EXOSC6: variants seen among roughly 807,000 people sequenced by gnomAD.
EXOSC6 encodes the protein exosome complex component MTR3.
EXOSC6 carries 21 observed loss-of-function variants against 16.7 expected under a neutral mutation model. That is an observed-to-expected ratio of 1.26 (90% CI 0.89 to 1.82). The LOEUF (loss-of-function observed/expected upper bound fraction) is 1.82. EXOSC6 is among the 40% of genes most tolerant of loss of function. The pLI is 0.00. For synonymous variants in EXOSC6, 297 were observed against 217.1 expected (o/e 1.37, Z -3.24); for missense variants, 538 against 415.7 (o/e 1.29, Z -2.56).
Position 70,251,884 on chromosome 16 carries a change from C to G in EXOSC6, c.17G>C (p.Arg6Pro). Residue 6 changes from arginine (R) to proline (P), a missense_variant, in exon 1 of 1, where the codon CGC becomes CCC. Coordinates refer to ENST00000435634, the MANE Select transcript of EXOSC6 (RefSeq NM_058219.3). ...CGATTCTTCAGGGCCGCGGATGCGGCGGTGATCCCCAGGCATGGCGGTTCT... is the reference window on the plus strand; with the variant it reads ...CGATTCTTCAGGGCCGCGGATGCGGGGGTGATCCCCAGGCATGGCGGTTCT... Reference protein sequence around the residue: MPGDHRRIRGPEESQP... With the variant: MPGDHPRIRGPEESQP... The G allele has an allele frequency of 1.3e-6, 2 of 1,544,150 alleles. No homozygotes were observed. Among genetic ancestry groups the G allele is most frequent in the Non-Finnish European group, 1.7e-6 (2 of 1,155,558 alleles).
At position 70,251,244 on chromosome 16, in the gene EXOSC6, C is replaced by G. The variant is rs978406322; in HGVS notation, c.657G>C (p.Leu219=). 32 of 1,498,154 alleles carry G rather than the reference C, an allele frequency of 2.1e-5. No homozygotes were observed. The highest frequency in any genetic ancestry group is 2.8e-5 in the East Asian group (1 of 36,224). 92.8% of individuals were successfully genotyped at this position (1,498,154 alleles called of 1,614,324 possible). ...AGLTVALMPV[L]NQVAGLLGSG... The stretch of plus-strand genomic sequence containing the variant: ...TGCCCAGCAGCCCGGCCACCTGATT[C>G]AGCACAGGCATGAGCGCCACGGTGA... The change falls in exon 1 of 1, where the codon CTG becomes CTC. Residue 219 remains leucine, a synonymous_variant. Transcript: ENST00000435634.
chr16:70,250,685 AAAAG>A lies in EXOSC6; in HGVS notation c.*393_*396del, dbSNP rs1323656472. On this transcript the variant is annotated 3_prime_UTR_variant, in exon 1 of 1. Transcript: ENST00000435634. Reference sequence around the variant, plus strand: ...CTCCATCAAAAAAAAAAAAAAAAAAAAAAGAAAGAAAGAAGAAAAGAAAATTAGC... The same window carrying A: ...CTCCATCAAAAAAAAAAAAAAAAAAAAAAGAAAGAAGAAAAGAAAATTAGC... 8.3e-4 allele frequency: 119 copies of A among 143,856 alleles called. 1 individual carries two copies. Among genetic ancestry groups the A allele is most frequent in the African/African-American group, 3.8e-3 (96 of 25,572 alleles). 8.9% of individuals were successfully genotyped at this position (143,856 alleles called of 1,614,324 possible). A position where few individuals can be genotyped will look rare whatever the true frequency, so the allele number is the denominator to read the frequency against.
At position 70,251,595 on chromosome 16, in the gene EXOSC6, G is replaced by A; in HGVS notation, c.306C>T (p.Arg102=). Residue 102 remains arginine, a synonymous_variant, in exon 1 of 1, where the codon CGC becomes CGT. Coordinates refer to ENST00000435634, the MANE Select transcript of EXOSC6 (RefSeq NM_058219.3). Reference sequence around the variant, plus strand: ...GGCGCCGGCGGCCCGCGAAGGGTGCGCGGCGGAAGTCGCAGAGCAGGCGAC... The same window carrying A: ...GGCGCCGGCGGCCCGCGAAGGGTGCACGGCGGAAGTCGCAGAGCAGGCGAC... ...LRGRLLCDFR[R]APFAGRRRRA... 1 of 1,079,310 alleles carries A rather than the reference G, an allele frequency of 9.3e-7. No individual in the cohort carries two copies. The highest frequency in any genetic ancestry group is 1.1e-6 in the Non-Finnish European group (1 of 893,536). The allele number at this position is 1,079,310 out of a possible 1,614,324, so 66.9% of individuals were successfully genotyped here.
In EXOSC6 at chr16:70,248,093, G is replaced by A. The variant is rs1412966975; in HGVS notation, c.*2989C>T. 6.6e-6 allele frequency: 1 copy of A among 151,898 alleles called. No individual in the cohort carries two copies. The highest frequency in any genetic ancestry group is 1.9e-4 in the East Asian group (1 of 5,190). The allele number at this position is 151,898 out of a possible 1,614,324, so 9.4% of individuals were successfully genotyped here. A position where few individuals can be genotyped will look rare whatever the true frequency, so the allele number is the denominator to read the frequency against. ...AAAAGAAAACCATTATTTTGCAATA[G>A]CCAATGTTATAATCTACACAGGCAC... On this transcript the variant is annotated 3_prime_UTR_variant, in exon 1 of 1. Coordinates refer to ENST00000435634, the MANE Select transcript of EXOSC6 (RefSeq NM_058219.3).
At position 70,246,872 on chromosome 16, in the gene EXOSC6, T is replaced by C. The variant is rs1012261979; in HGVS notation, c.*4210A>G. The C allele has an allele frequency of 3.5e-6, 2 of 569,230 alleles. No individual in the cohort carries two copies. The highest frequency in any genetic ancestry group is 6.3e-6 in the Non-Finnish European group (2 of 315,556). 35.3% of individuals were successfully genotyped at this position (569,230 alleles called of 1,614,324 possible). ...CAGCATTTAACCCTGGAACCTCAAA[T>C]ATCACTGATTATACTCAAAGGAGCA... On this transcript the variant is annotated 3_prime_UTR_variant, in exon 1 of 1. Coordinates refer to ENST00000435634, the MANE Select transcript of EXOSC6 (RefSeq NM_058219.3).
In EXOSC6 at chr16:70,251,710, C is replaced by T; in HGVS notation, c.191G>A (p.Cys64Tyr). Reference protein sequence around the residue: ...YLEAGGTKVLCAVSGPRQAEG... With the variant: ...YLEAGGTKVLYAVSGPRQAEG... ...GGCCTGTCGCGGGCCCGACACGGCA[C>T]ACAGCACCTTGGTGCCTCCCGCCTC... Residue 64 changes from cysteine (C) to tyrosine (Y), a missense_variant, in exon 1 of 1, where the codon TGT becomes TAT. Cys to Tyr is a radical substitution (Grantham distance 194). Transcript: ENST00000435634. 1 of 1,376,882 alleles carries T rather than the reference C, an allele frequency of 7.3e-7. No individual in the cohort carries two copies. Among genetic ancestry groups the T allele is most frequent in the Non-Finnish European group, 9.3e-7 (1 of 1,075,224 alleles). The allele number at this position is 1,376,882 out of a possible 1,614,324, so 85.3% of individuals were successfully genotyped here.
Position 70,246,921 on chromosome 16 carries a change from C to T in EXOSC6, c.*4161G>A, listed in dbSNP as rs1469826918. ...CAGAGGCATTGTTTTCCATCTGATT[C>T]CTCAGTTCCTCACACACACAACCAT... is the stretch of plus-strand genomic sequence containing the variant. On this transcript the variant is annotated 3_prime_UTR_variant, in exon 1 of 1. Transcript: ENST00000435634. The T allele has an allele frequency of 3.6e-5, 20 of 561,956 alleles. No individual in the cohort carries two copies. The highest frequency in any genetic ancestry group is 5.7e-4 in the Middle Eastern group (1 of 1,758). 34.8% of individuals were successfully genotyped at this position (561,956 alleles called of 1,614,324 possible).
rs767370911 is a variant in EXOSC6, at chr16:70,250,043, T to C, written c.*1039A>G. On this transcript the variant is annotated 3_prime_UTR_variant, in exon 1 of 1. Coordinates refer to ENST00000435634, the MANE Select transcript of EXOSC6 (RefSeq NM_058219.3). ...GCCTAGGAATTCTAGATGAATGGAA[T>C]GAATACAACTTGCTGGAAGTTCTTA... The C allele has an allele frequency of 6.6e-6, 1 of 152,144 alleles. No homozygotes were observed. Among genetic ancestry groups the C allele is most frequent in the Non-Finnish European group, 1.5e-5 (1 of 68,024 alleles). The allele number at this position is 152,144 out of a possible 1,614,324, so 9.4% of individuals were successfully genotyped here.
Position 70,251,460 on chromosome 16 carries a change from C to T in EXOSC6, c.441G>A (p.Ser147=). ...AGCCACCGTCCTCCAGCAGCAGCGC[C>T]GACACCTCGAGCTGCGCGCGCGGGT... The part of the protein sequence containing the change: ...GRYPRAQLEV[S]ALLLEDGGSA... The change falls in exon 1 of 1, where the codon TCG becomes TCA. Residue 147 remains serine (S), a synonymous_variant. Transcript: ENST00000435634. The T allele has an allele frequency of 7.5e-7, 1 of 1,340,270 alleles. No individual in the cohort carries two copies. Among genetic ancestry groups the T allele is most frequent in the Non-Finnish European group, 9.6e-7 (1 of 1,046,044 alleles). The allele number at this position is 1,340,270 out of a possible 1,614,324, so 83.0% of individuals were successfully genotyped here.
rs1959737778 is a variant in EXOSC6, at chr16:70,248,536, T to C, written c.*2546A>G. ...CCCAAGCTGGTGGCATTCTGTTCAG[T>C]TACAGGTAATTTTCTGAATCTTCCC... On this transcript the variant is annotated 3_prime_UTR_variant, in exon 1 of 1. Transcript: ENST00000435634. 1 of 152,182 alleles carries C rather than the reference T, an allele frequency of 6.6e-6. No homozygotes were observed. Among genetic ancestry groups the C allele is most frequent in the South Asian group, 2.1e-4 (1 of 4,832 alleles). The allele number at this position is 152,182 out of a possible 1,614,324, so 9.4% of individuals were successfully genotyped here.
At position 70,249,063 on chromosome 16, in the gene EXOSC6, T is replaced by C. The variant is rs1411528173; in HGVS notation, c.*2019A>G. ...ATATCAGATATTCCAGACACAACAA[T>C]ACCATAATTTAATCACTTAAAATCT... is the stretch of plus-strand genomic sequence containing the variant. On this transcript the variant is annotated 3_prime_UTR_variant, in exon 1 of 1. Coordinates refer to ENST00000435634, the MANE Select transcript of EXOSC6 (RefSeq NM_058219.3). 1 of 112,354 alleles carries C rather than the reference T, an allele frequency of 8.9e-6. No individual in the cohort carries two copies. The highest frequency in any genetic ancestry group is 1.8e-5 in the Non-Finnish European group (1 of 55,266). 7.0% of individuals were successfully genotyped at this position (112,354 alleles called of 1,614,324 possible).
Position 70,247,119 on chromosome 16 carries a change from A to G in EXOSC6, c.*3963T>C, listed in dbSNP as rs1959710713. ...AAAAAAAAATTGACTTGTAAATCCCAACTACTCGGGAGGCTGAGACACAAG... is the reference window on the plus strand; with the variant it reads ...AAAAAAAAATTGACTTGTAAATCCCGACTACTCGGGAGGCTGAGACACAAG... On this transcript the variant is annotated 3_prime_UTR_variant, in exon 1 of 1. Transcript: ENST00000435634. 2 of 326,944 alleles carry G rather than the reference A, an allele frequency of 6.1e-6. No homozygotes were observed. Among genetic ancestry groups the G allele is most frequent in the Non-Finnish European group, 5.8e-6 (1 of 172,380 alleles). 20.3% of individuals were successfully genotyped at this position (326,944 alleles called of 1,614,324 possible).
At position 70,249,029 on chromosome 16, in the gene EXOSC6, A is replaced by C. The variant is rs1300591770; in HGVS notation, c.*2053T>G. On this transcript the variant is annotated 3_prime_UTR_variant, in exon 1 of 1. Transcript: ENST00000435634. ...TCAAAAACTGTAAAAAAAAAAAAAAAAAACCCTAATATCAGATATTCCAGA... is the reference window on the plus strand; with the variant it reads ...TCAAAAACTGTAAAAAAAAAAAAAACAAACCCTAATATCAGATATTCCAGA... 10 of 149,816 alleles carry C rather than the reference A, an allele frequency of 6.7e-5. No individual in the cohort carries two copies. Among genetic ancestry groups the C allele is most frequent in the African/African-American group, 2.5e-5 (1 of 40,454 alleles). The allele number at this position is 149,816 out of a possible 1,614,324, so 9.3% of individuals were successfully genotyped here.
Position 70,248,088 on chromosome 16 carries a change from C to T in EXOSC6, c.*2994G>A, listed in dbSNP as rs1959728225. The stretch of plus-strand genomic sequence containing the variant: ...AGAGAAAAAGAAAACCATTATTTTG[C>T]AATAGCCAATGTTATAATCTACACA... On this transcript the variant is annotated 3_prime_UTR_variant, in exon 1 of 1. Transcript: ENST00000435634. The T allele has an allele frequency of 6.6e-6, 1 of 151,606 alleles. No individual in the cohort carries two copies. The highest frequency in any genetic ancestry group is 6.6e-5 in the Admixed American group (1 of 15,204). 9.4% of individuals were successfully genotyped at this position (151,606 alleles called of 1,614,324 possible). A position where few individuals can be genotyped will look rare whatever the true frequency, so the allele number is the denominator to read the frequency against.
Position 70,247,523 on chromosome 16 carries a change from T to C in EXOSC6, c.*3559A>G, listed in dbSNP as rs1026831872. On this transcript the variant is annotated 3_prime_UTR_variant, in exon 1 of 1. Transcript: ENST00000435634. ...AAATTTTATATAATTTATGCTTTAC[T>C]ATATTAGTACTTGCTTCACATTAAA... 2 of 152,252 alleles carry C rather than the reference T, an allele frequency of 1.3e-5. No homozygotes were observed. The highest frequency in any genetic ancestry group is 2.9e-5 in the Non-Finnish European group (2 of 68,100). 9.4% of individuals were successfully genotyped at this position (152,252 alleles called of 1,614,324 possible). A position where few individuals can be genotyped will look rare whatever the true frequency, so the allele number is the denominator to read the frequency against.
In EXOSC6 at chr16:70,247,577, A is replaced by C. The variant is rs1959719177; in HGVS notation, c.*3505T>G. The C allele has an allele frequency of 6.6e-6, 1 of 152,208 alleles. No homozygotes were observed. 9.4% of individuals were successfully genotyped at this position (152,208 alleles called of 1,614,324 possible). A position where few individuals can be genotyped will look rare whatever the true frequency, so the allele number is the denominator to read the frequency against. On this transcript the variant is annotated 3_prime_UTR_variant, in exon 1 of 1. Coordinates refer to ENST00000435634, the MANE Select transcript of EXOSC6 (RefSeq NM_058219.3). ...AAAGATCAGTATGGCACCACACATGAATAACATGCAGGCTCAGGTTACCAT... is the reference window on the plus strand; with the variant it reads ...AAAGATCAGTATGGCACCACACATGCATAACATGCAGGCTCAGGTTACCAT...
chr16:70,249,950 C>G lies in EXOSC6; in HGVS notation c.*1132G>C, dbSNP rs1959770184. On this transcript the variant is annotated 3_prime_UTR_variant, in exon 1 of 1. Coordinates refer to ENST00000435634, the MANE Select transcript of EXOSC6 (RefSeq NM_058219.3). Reference sequence around the variant, plus strand: ...TGGGCAACAGAGTGAGACTCTGTCTCAAAAAATAAATATAAAAAAATAAAA... The same window carrying G: ...TGGGCAACAGAGTGAGACTCTGTCTGAAAAAATAAATATAAAAAAATAAAA... The G allele has an allele frequency of 1.3e-5, 2 of 151,692 alleles. No homozygotes were observed. Among genetic ancestry groups the G allele is most frequent in the African/African-American group, 4.8e-5 (2 of 41,238 alleles). The allele number at this position is 151,692 out of a possible 1,614,324, so 9.4% of individuals were successfully genotyped here. A position where few individuals can be genotyped will look rare whatever the true frequency, so the allele number is the denominator to read the frequency against.
rs985621815 is a variant in EXOSC6 at position 70,249,139 on chromosome 16, T to G, written c.*1943A>C. On this transcript the variant is annotated 3_prime_UTR_variant, in exon 1 of 1. Coordinates refer to ENST00000435634, the MANE Select transcript of EXOSC6 (RefSeq NM_058219.3). ...TTAGGCCAGGTGTGGTGGCTCATGA[T>G]AGTAATCACAGTACTTTGGGAGGCC... 6.6e-6 allele frequency: 1 copy of G among 151,848 alleles called. No homozygotes were observed. The highest frequency in any genetic ancestry group is 6.6e-5 in the Admixed American group (1 of 15,246). 9.4% of individuals were successfully genotyped at this position (151,848 alleles called of 1,614,324 possible).
In EXOSC6 at chr16:70,246,797, A is replaced by T; in HGVS notation, c.*4285T>A. ...ACTACATTTCTGACAACAATGAAAT[A>T]GTTTATTTTCTTCAAATATTTTAAG... is the stretch of plus-strand genomic sequence containing the variant. On this transcript the variant is annotated 3_prime_UTR_variant, in exon 1 of 1. Transcript: ENST00000435634. 1 of 588,050 alleles carries T rather than the reference A, an allele frequency of 1.7e-6. No homozygotes were observed. The highest frequency in any genetic ancestry group is 3.0e-6 in the Non-Finnish European group (1 of 336,182). The allele number at this position is 588,050 out of a possible 1,614,324, so 36.4% of individuals were successfully genotyped here.
Sources: allele counts gnomAD v4.1 joint callset, GRCh38; gene constraint gnomAD v4.1.1; transcripts MANE v1.5; gene names NCBI Gene and HGNC (gene_info 2026-07-23, HGNC 2026-07-21).